The following PTPRO variants were observed in gnomAD, a reference collection of about 807,000 sequenced individuals.
PTPRO encodes the protein receptor-type tyrosine-protein phosphatase O.
PTPRO carries 62 observed loss-of-function variants against 145.2 expected under a neutral mutation model. That is an observed-to-expected ratio of 0.43 (90% CI 0.35 to 0.53). PTPRO has a LOEUF of 0.53. Among genes scored for constraint, PTPRO ranks in the 20% least tolerant of loss-of-function variants. The pLI is 0.01. For synonymous variants in PTPRO, 565 were observed against 514.7 expected, an observed-to-expected ratio of 1.10 and a Z score of -1.32; for missense variants, 1,345 against 1,482.7, an observed-to-expected ratio of 0.91 and a Z score of 1.53.
At chr12:15,496,552 G>A (rs144847117) in intron 2 of PTPRO, among the ~76,000 whole-genome samples, 1 of 152,076 alleles carries the variant, frequency 6.6e-6, no homozygotes, top group African/African-American at 2.4e-5. Flanking sequence ...GGAGGGGGAG[G>A]AGAGGCAGGC....
chr12:15,580,452 C>A (rs900071854), intron 21 of PTPRO, among the ~76,000 whole-genome samples: 14 of 152,204 alleles, frequency 9.2e-5, no homozygotes, highest in African/African-American at 3.1e-4. Context: ...TTATTATTGT[C>A]ATAAAAAGGT....
chr12:15,392,951 A>C (rs540349354), intron 1 of PTPRO, among the ~76,000 whole-genome samples: 7 of 152,202 alleles, frequency 4.6e-5, no homozygotes, highest in African/African-American at 1.7e-4. Flanking sequence ...ATGAGACACA[A>C]ATGAACACTT....
rs1944275966 is a variant in PTPRO at position 15,580,055 on chromosome 12, G to A, written c.2937G>A (p.Val979=). 6.2e-7 allele frequency: 1 copy of A among 1,612,944 alleles called. No individual in the cohort carries two copies. The highest frequency in any genetic ancestry group is 8.5e-7 in the Non-Finnish European group (1 of 1,179,592). ...TNILPYDFSR[V]RLVSMNEEEG... ...TCTCTACAGATGACTTCAGCCGTGT[G>A]AGATTAGTCTCCATGAATGAAGAGG... The change falls in exon 21 of 27, where the codon GTG becomes GTA. Residue 979 remains valine (V), a synonymous_variant. Coordinates refer to ENST00000281171, the MANE Select transcript of PTPRO (RefSeq NM_030667.3).
At chr12:15,481,953 C>A (rs1479822076) in intron 1 of PTPRO, among the ~76,000 whole-genome samples, 1 of 151,948 alleles carries the variant, frequency 6.6e-6, no homozygotes, top group Non-Finnish European at 1.5e-5. Context: ...TATGGAGGTT[C>A]CTCAAAAACC....
intron 1 of PTPRO, among the ~76,000 whole-genome samples, chr12:15,331,680 T>C (rs912049092): frequency 6.6e-6 from 1 of 152,192 alleles, no homozygotes; most frequent in Non-Finnish European, 1.5e-5. Context: ...AATAAAAATG[T>C]GTACAGAGCA....
intron 12 of PTPRO, among the ~76,000 whole-genome samples, chr12:15,535,274 G>C (rs754425046): frequency 6.6e-6 from 1 of 152,176 alleles, no homozygotes; most frequent in Non-Finnish European, 1.5e-5. Flanking sequence ...GAAGTGTCTG[G>C]ATGAAATCAC....
At chr12:15,581,545 T>TGTA in intron 22 of PTPRO, 134 bp from the exon 23 acceptor site, 44 of 1,081,870 alleles carry the variant, frequency 4.1e-5, no homozygotes, top group Non-Finnish European at 5.5e-5. Flanking sequence ...CAGAAATGGT[T>TGTA]TGCTTTATGT....
intron 1 of PTPRO, among the ~76,000 whole-genome samples, chr12:15,353,229 C>T (rs1401946109): frequency 2.0e-5 from 3 of 152,072 alleles, no homozygotes; most frequent in African/African-American, 7.2e-5. Context: ...ACCCTACCCA[C>T]CACACACACG....
intron 1 of PTPRO, among the ~76,000 whole-genome samples, chr12:15,477,987 C>T (rs1481698071): frequency 6.6e-6 from 1 of 152,134 alleles, no homozygotes; most frequent in African/African-American, 2.4e-5. Flanking sequence ...CTGCCCTGCT[C>T]CACCAAGCAG....
At chr12:15,591,473 A>T (rs997530364) in intron 25 of PTPRO, among the ~76,000 whole-genome samples, 1 of 152,124 alleles carries the variant, frequency 6.6e-6, no homozygotes, top group Admixed American at 6.6e-5. Context: ...CACATCCTCC[A>T]TCCCATTTTT....
chr12:15,453,340 A>T (rs565771349), intron 1 of PTPRO, among the ~76,000 whole-genome samples: 1 of 152,206 alleles, frequency 6.6e-6, no homozygotes, highest in East Asian at 1.9e-4. Flanking sequence ...AAGAAAAGAA[A>T]ATCTGGACCA....
At chr12:15,410,991 C>T (rs946977812) in intron 1 of PTPRO, among the ~76,000 whole-genome samples, 2 of 152,086 alleles carry the variant, frequency 1.3e-5, no homozygotes, top group African/African-American at 4.8e-5. Context: ...GATAATGAAG[C>T]AATGTTAGCT....
At chr12:15,591,724 G>A (rs900605953) in intron 25 of PTPRO, among the ~76,000 whole-genome samples, 1 of 151,346 alleles carries the variant, frequency 6.6e-6, no homozygotes, top group Non-Finnish European at 1.5e-5. Context: ...TTAGCTGGGC[G>A]TGGTGGCACA....
At chr12:15,579,937 C>T (rs1944273262) in intron 20 of PTPRO, 102 bp from the exon 21 acceptor site, 2 of 886,428 alleles carry the variant, frequency 2.3e-6, no homozygotes, top group South Asian at 2.8e-5. Flanking sequence ...TATCTGCCTA[C>T]TCTGTCACTG....
chr12:15,566,496 AT>A (rs1418547743), intron 18 of PTPRO, among the ~76,000 whole-genome samples: 1 of 151,928 alleles, frequency 6.6e-6, no homozygotes, highest in Non-Finnish European at 1.5e-5. Flanking sequence ...AGTCAATTTC[AT>A]TTTTTATTTT....
At chr12:15,512,833 G>T (rs779326039) in intron 7 of PTPRO, among the ~76,000 whole-genome samples, 1 of 151,716 alleles carries the variant, frequency 6.6e-6, no homozygotes, top group Non-Finnish European at 1.5e-5. Flanking sequence ...GTCTCTACTA[G>T]AAACACAAAA....
chr12:15,469,768 CAAAA>C lies in PTPRO; in HGVS notation c.76-14190_76-14187del, dbSNP rs3085503. Reference sequence around the variant, plus strand: ...AGGAATCATGGCGTTAGTGTCCTGACAAAAAAAAAAAAAAAAAAATACAGCTTCT... The same window carrying C: ...AGGAATCATGGCGTTAGTGTCCTGACAAAAAAAAAAAAAAATACAGCTTCT... On this transcript the variant is annotated intron_variant, in intron 1 of 26. Transcript: ENST00000281171. Among the ~76,000 whole-genome samples, 557 of 110,396 alleles carry C rather than the reference CAAAA, an allele frequency of 5.0e-3. 1 individual carries two copies. Among genetic ancestry groups the C allele is most frequent in the African/African-American group, 0.016 (466 of 29,302 alleles). The allele number at this position is 110,396 out of a possible 152,430, so 72.4% of individuals were successfully genotyped here.
At chr12:15,413,407 T>A (rs1307634666) in intron 1 of PTPRO, among the ~76,000 whole-genome samples, 1 of 152,212 alleles carries the variant, frequency 6.6e-6, no homozygotes, top group Non-Finnish European at 1.5e-5. Context: ...AGATTCTTGA[T>A]ACAATTAATG....
chr12:15,548,216 A>C (rs1943348857), intron 13 of PTPRO, among the ~76,000 whole-genome samples: 1 of 152,184 alleles, frequency 6.6e-6, no homozygotes, highest in Non-Finnish European at 1.5e-5. Context: ...AAAAAAATGC[A>C]AAATAAAACT....
Sources: gnomAD v4.1 joint callset for allele counts (sites outside exome capture counted in the v4.1 genomes callset) on GRCh38, gnomAD v4.1.1 for gene constraint, MANE v1.5 for transcripts, NCBI Gene and HGNC (gene_info 2026-07-23, HGNC 2026-07-21) for gene names.